The following R3HDM1 variants were observed in gnomAD, a reference collection of about 807,000 sequenced individuals.
R3HDM1 encodes the protein R3H domain-containing protein 1.
A neutral mutation model predicts 141.1 loss-of-function variants in R3HDM1; 46 were observed. The observed-to-expected ratio is 0.33, with a 90% CI of 0.26 to 0.42. The LOEUF is 0.42. Among genes scored for constraint, R3HDM1 ranks in the 10% least tolerant of loss-of-function variants. The pLI is 1.00. For missense variants in R3HDM1, 1,184 were observed against 1,368.3 expected (o/e 0.87, Z 2.12); for synonymous variants, 435 against 472.9 (o/e 0.92, Z 1.04).
intron 19 of R3HDM1, among the ~76,000 whole-genome samples, chr2:135,672,360 A>G (rs935097515): frequency 6.6e-6 from 1 of 152,204 alleles, no homozygotes; most frequent in Non-Finnish European, 1.5e-5. Context: ...TTCACATACC[A>G]TATTCATTCA....
chr2:135,561,557 A>C (rs1701799000), intron 1 of R3HDM1, among the ~76,000 whole-genome samples: 1 of 152,216 alleles, frequency 6.6e-6, no homozygotes, highest in Non-Finnish European at 1.5e-5. Flanking sequence ...TCTCCACTAA[A>C]AATATAAAAA....
intron 21 of R3HDM1, among the ~76,000 whole-genome samples, chr2:135,705,433 T>C (rs1421382185): frequency 6.6e-6 from 1 of 152,184 alleles, no homozygotes; most frequent in African/African-American, 2.4e-5. Flanking sequence ...CAATGTACTG[T>C]CACTTGAATT....
intron 21 of R3HDM1, among the ~76,000 whole-genome samples, chr2:135,693,929 C>T (rs994396950): frequency 4.6e-5 from 7 of 151,938 alleles, no homozygotes; most frequent in South Asian, 2.1e-4. Context: ...AGCTTGAACC[C>T]GGAGGCAGAG....
intron 20 of R3HDM1, among the ~76,000 whole-genome samples, chr2:135,678,303 CAGTGA>C (rs1442250530): frequency 7.9e-5 from 12 of 151,826 alleles, no homozygotes; most frequent in Non-Finnish European, 4.4e-5. Context: ...GTATAGAGAA[CAGTGA>C]AGTGATTCTA....
At chr2:135,567,903 CTTTTTTTTTTT>C (rs562748072) in intron 1 of R3HDM1, among the ~76,000 whole-genome samples, 9 of 73,820 alleles carry the variant, frequency 1.2e-4, no homozygotes, top group African/African-American at 5.0e-4. Context: ...CCACACCTGG[CTTTTTTTTTTT>C]TTTTTTTTTT....
At chr2:135,539,620 C>G (rs1201053105) in intron 1 of R3HDM1, among the ~76,000 whole-genome samples, 2 of 151,772 alleles carry the variant, frequency 1.3e-5, no homozygotes, top group African/African-American at 2.4e-5. Flanking sequence ...TTTTGGGTAC[C>G]CTGGTGCATT....
chr2:135,608,709 A>T (rs2060281065), intron 3 of R3HDM1, among the ~76,000 whole-genome samples: 1 of 152,234 alleles, frequency 6.6e-6, no homozygotes, highest in East Asian at 1.9e-4. Context: ...GTCATCTTAA[A>T]TAGCAACTGC....
At chr2:135,556,126 TG>T (rs1287666711) in intron 1 of R3HDM1, among the ~76,000 whole-genome samples, 1 of 152,154 alleles carries the variant, frequency 6.6e-6, no homozygotes, top group African/African-American at 2.4e-5. Context: ...CAAAGGACCA[TG>T]TACTGTATGA....
intron 21 of R3HDM1, among the ~76,000 whole-genome samples, chr2:135,687,298 A>T (rs1006265695): frequency 6.6e-6 from 1 of 152,180 alleles, no homozygotes; most frequent in Non-Finnish European, 1.5e-5. Flanking sequence ...TCTTCAGTGG[A>T]TATAACATTT....
Position 135,621,633 on chromosome 2 carries a change from TA to T in R3HDM1, c.418+34del, listed in dbSNP as rs200788359. 1.9e-3 allele frequency: 2,621 copies of T among 1,391,918 alleles called. 28 individuals carry two copies. In the African/African-American group the frequency reaches 0.043, roughly 23 times the overall value. 86.2% of individuals were successfully genotyped at this position (1,391,918 alleles called of 1,614,324 possible). On this transcript the variant is annotated intron_variant, in intron 6 of 26. Transcript: ENST00000683871. ...GGTTTGCAGTTCTTTTGTTTTTTTTTAAAAAAAAATTTTGCTATCAGTAATT... is the reference window on the plus strand; with the variant it reads ...GGTTTGCAGTTCTTTTGTTTTTTTTTAAAAAAAATTTTGCTATCAGTAATT...
intron 21 of R3HDM1, among the ~76,000 whole-genome samples, chr2:135,708,978 A>AAC (rs70973474): frequency 2.7e-5 from 4 of 149,528 alleles, no homozygotes; most frequent in Admixed American, 6.7e-5. Context: ...AAAAAAAAAA[A>AAC]CTAACTGTTC....
intron 18 of R3HDM1, among the ~76,000 whole-genome samples, chr2:135,655,313 G>A (rs1269621963): frequency 6.6e-5 from 10 of 151,928 alleles, no homozygotes; most frequent in Admixed American, 2.0e-4. Flanking sequence ...AATCCTTGTC[G>A]AATATCCTTT....
intron 1 of R3HDM1, among the ~76,000 whole-genome samples, chr2:135,574,657 G>T (rs1167479452): frequency 6.6e-6 from 1 of 152,140 alleles, no homozygotes; most frequent in Non-Finnish European, 1.5e-5. Context: ...GGGATGCAGG[G>T]CTGGCTTAAT....
intron 1 of R3HDM1, among the ~76,000 whole-genome samples, chr2:135,556,216 A>T (rs1372769889): frequency 6.6e-6 from 1 of 152,056 alleles, no homozygotes; most frequent in African/African-American, 2.4e-5. Flanking sequence ...GGGCTGGGAG[A>T]ATGGAGGGGA....
At chr2:135,611,037 A>G (rs1245078205) in intron 3 of R3HDM1, among the ~76,000 whole-genome samples, 1 of 149,986 alleles carries the variant, frequency 6.7e-6, no homozygotes, top group Non-Finnish European at 1.5e-5. Context: ...TTGAGAGTTC[A>G]AGGCTGCAGT....
intron 3 of R3HDM1, chr2:135,608,039 G>T: frequency 4.3e-6 from 4 of 929,092 alleles, no homozygotes; most frequent in Non-Finnish European, 5.1e-6. Context: ...ATATGGGCCG[G>T]GCGCAGTGGC....
At chr2:135,591,197 G>A (rs751951971) in intron 1 of R3HDM1, among the ~76,000 whole-genome samples, 8 of 152,148 alleles carry the variant, frequency 5.3e-5, no homozygotes, top group African/African-American at 7.2e-5. Flanking sequence ...GGAGCCCAGC[G>A]TGAATTTTGC....
chr2:135,720,094 C>A (rs561615632), intron 24 of R3HDM1, among the ~76,000 whole-genome samples: 6 of 152,288 alleles, frequency 3.9e-5, no homozygotes, highest in African/African-American at 1.2e-4. Flanking sequence ...CCGCCCGTCT[C>A]GGCCTCCCAA....
chr2:135,531,534 G>C lies in R3HDM1; in HGVS notation c.-349G>C. On this transcript the variant is annotated 5_prime_UTR_variant, in exon 1 of 27. Transcript: ENST00000683871. The stretch of plus-strand genomic sequence containing the variant: ...GAGCCGGTGTCCGGGCTGGTGATGG[G>C]GTTAATTCCCTTTCGTAAGACTCTT... 1.0e-6 allele frequency: 1 copy of C among 985,818 alleles called. No homozygotes were observed. 61.1% of individuals were successfully genotyped at this position (985,818 alleles called of 1,614,324 possible).
Sources: allele counts gnomAD v4.1 joint callset (sites outside exome capture counted in the v4.1 genomes callset), GRCh38; gene constraint gnomAD v4.1.1; transcripts MANE v1.5; gene names NCBI Gene and HGNC (gene_info 2026-07-23, HGNC 2026-07-21).